Variants in TSPAN18 observed in about 807,000 individuals in gnomAD.
TSPAN18 encodes the protein tetraspanin 18, also known as tetraspanin-18.
A neutral mutation model predicts 27.3 loss-of-function variants in TSPAN18; 14 were observed. The ratio of observed to expected loss-of-function variants is 0.51; its 90% confidence interval spans 0.34 to 0.80. The LOEUF is 0.80. Ranked by LOEUF, TSPAN18 falls within the 30% of genes least tolerant of loss-of-function variation. The pLI is 0.01. For synonymous variants in TSPAN18, 143 were observed against 136.5 expected (o/e 1.05, Z -0.33); for missense variants, 268 against 323.9 (o/e 0.83, Z 1.32).
chr11:44,870,763 T>C (rs552077479), intron 3 of TSPAN18, among the ~76,000 whole-genome samples: 1 of 152,356 alleles, frequency 6.6e-6, no homozygotes, highest in East Asian at 1.9e-4. Context: ...GTCTTTTTTA[T>C]TTCAAACACA....
intron 5 of TSPAN18, 66 bp from the exon 6 acceptor site, chr11:44,917,906 T>C: frequency 6.8e-7 from 1 of 1,468,894 alleles, no homozygotes; most frequent in Non-Finnish European, 9.5e-7. Context: ...GACGGATGCA[T>C]TGGCCAGTGG....
intron 3 of TSPAN18, among the ~76,000 whole-genome samples, chr11:44,880,724 G>A (rs1454076447): frequency 2.0e-5 from 3 of 152,244 alleles, no homozygotes; most frequent in African/African-American, 7.2e-5. Context: ...GAAGTGGTTG[G>A]ACTCAAGGAC....
intron 9 of TSPAN18, among the ~76,000 whole-genome samples, chr11:44,927,238 T>A (rs1375697348): frequency 3.3e-5 from 5 of 152,168 alleles, no homozygotes; most frequent in African/African-American, 7.2e-5. Flanking sequence ...CCTTGAAAGG[T>A]AAGCTCCTGC....
intron 1 of TSPAN18, among the ~76,000 whole-genome samples, chr11:44,748,059 G>A (rs1855123361): frequency 6.6e-6 from 1 of 152,180 alleles, no homozygotes; most frequent in Non-Finnish European, 1.5e-5. Context: ...GCCTCTCTGG[G>A]CCCTGGTTTC....
Position 44,887,473 on chromosome 11 carries a change from G to T in TSPAN18, c.-10-18934G>T, listed in dbSNP as rs74776725. Among the ~76,000 whole-genome samples, 1,266 of 152,298 alleles carry T rather than the reference G, an allele frequency of 8.3e-3. 23 individuals are homozygous for T. Among genetic ancestry groups the T allele is most frequent in the African/African-American group, 0.029 (1,191 of 41,554 alleles). On this transcript the variant is annotated intron_variant, in intron 3 of 9. Coordinates refer to ENST00000520358, the MANE Select transcript of TSPAN18 (RefSeq NM_130783.5). ...ACCCCAGTGTTCTCAGCTGTCAACT[G>T]GGAATAATAATATGCCTGACTCATA... is the stretch of plus-strand genomic sequence containing the variant.
At chr11:44,873,768 T>C (rs1015156423) in intron 3 of TSPAN18, among the ~76,000 whole-genome samples, 3 of 152,208 alleles carry the variant, frequency 2.0e-5, no homozygotes, top group African/African-American at 7.2e-5. Context: ...AGGATGTGCC[T>C]GTTACCTGGA....
At chr11:44,778,937 C>G (rs1855874373) in intron 2 of TSPAN18, among the ~76,000 whole-genome samples, 1 of 152,230 alleles carries the variant, frequency 6.6e-6, no homozygotes, top group African/African-American at 2.4e-5. Context: ...TAGTCTTGGT[C>G]TCTGGGCCCA....
At chr11:44,774,947 A>G (rs1031011289) in intron 2 of TSPAN18, among the ~76,000 whole-genome samples, 1 of 152,198 alleles carries the variant, frequency 6.6e-6, no homozygotes, top group Non-Finnish European at 1.5e-5. Flanking sequence ...CATGTGTTCA[A>G]TAGTTGACAC....
chr11:44,757,631 C>T (rs1855362521), intron 1 of TSPAN18, among the ~76,000 whole-genome samples: 1 of 152,146 alleles, frequency 6.6e-6, no homozygotes, highest in Non-Finnish European at 1.5e-5. Flanking sequence ...GAGATCTGCC[C>T]ATCTCTTCCT....
In TSPAN18 at chr11:44,730,573, T is replaced by G. The variant is rs193217980; in HGVS notation, c.-240+3286T>G. Among the ~76,000 whole-genome samples the G allele has an allele frequency of 3.3e-5, 5 of 152,062 alleles. No homozygotes were observed. The East Asian group carries it at 9.7e-4, about 29-fold the overall frequency. On this transcript the variant is annotated intron_variant, in intron 1 of 9. Transcript: ENST00000520358. ...CCTCCTGCCACCCGGGCTGGCACCT[T>G]GGACCTGCATTAGTGCTCCATCTGA...
At position 44,930,730 on chromosome 11, in the gene TSPAN18, G is replaced by A; in HGVS notation, c.*1552G>A. ...CTGAGGTTTGGTCTGGGCTCAGTGGGAGACGGCAGTGCAATCCTGATGAGT... is the reference window on the plus strand; with the variant it reads ...CTGAGGTTTGGTCTGGGCTCAGTGGAAGACGGCAGTGCAATCCTGATGAGT... On this transcript the variant is annotated 3_prime_UTR_variant, in exon 10 of 10. Transcript: ENST00000520358. 2.4e-6 allele frequency: 1 copy of A among 411,072 alleles called. No individual in the cohort carries two copies. The highest frequency in any genetic ancestry group is 1.8e-5 in the South Asian group (1 of 55,646). 25.5% of individuals were successfully genotyped at this position (411,072 alleles called of 1,614,324 possible). A position where few individuals can be genotyped will look rare whatever the true frequency, so the allele number is the denominator to read the frequency against.
intron 1 of TSPAN18, among the ~76,000 whole-genome samples, chr11:44,746,928 C>T (rs534453713): frequency 6.6e-6 from 1 of 152,218 alleles, no homozygotes; most frequent in Non-Finnish European, 1.5e-5. Flanking sequence ...GAGTAGTCGC[C>T]TGGACCCAGC....
At chr11:44,847,790 A>G (rs1857514914) in intron 2 of TSPAN18, among the ~76,000 whole-genome samples, 1 of 151,982 alleles carries the variant, frequency 6.6e-6, no homozygotes, top group African/African-American at 2.4e-5. Flanking sequence ...GGGTTTGAAG[A>G]TTAAATGAAG....
chr11:44,909,614 C>T, intron 4 of TSPAN18, 91 bp from the exon 5 acceptor site: 1 of 1,402,526 alleles, frequency 7.1e-7, no homozygotes, highest in Non-Finnish European at 9.7e-7. Flanking sequence ...GCCTCTGACC[C>T]TGGGGCTGGC....
chr11:44,868,874 A>G (rs1013745970), intron 3 of TSPAN18, among the ~76,000 whole-genome samples: 2 of 152,194 alleles, frequency 1.3e-5, no homozygotes, highest in African/African-American at 4.8e-5. Context: ...CCTGCTTCCA[A>G]TGCATCCACT....
chr11:44,758,124 TCTTG>T (rs1429356934), intron 1 of TSPAN18, among the ~76,000 whole-genome samples: 1 of 152,216 alleles, frequency 6.6e-6, no homozygotes, highest in Admixed American at 6.5e-5. Flanking sequence ...CTTGTCTTGT[TCTTG>T]ATCTTAGAAG....
At chr11:44,833,368 G>A (rs995463674) in intron 2 of TSPAN18, among the ~76,000 whole-genome samples, 1 of 151,808 alleles carries the variant, frequency 6.6e-6, no homozygotes, top group Non-Finnish European at 1.5e-5. Flanking sequence ...AAATGGTGCA[G>A]CAAATGGTGA....
At chr11:44,901,524 C>G (rs1859262144) in intron 3 of TSPAN18, among the ~76,000 whole-genome samples, 1 of 152,352 alleles carries the variant, frequency 6.6e-6, no homozygotes, top group South Asian at 2.1e-4. Flanking sequence ...TGTGGCTGCT[C>G]TGCCTCCAAA....
intron 2 of TSPAN18, among the ~76,000 whole-genome samples, chr11:44,807,385 A>G (rs1390773706): frequency 1.5e-5 from 2 of 133,312 alleles, no homozygotes; most frequent in Non-Finnish European, 3.3e-5. Context: ...AAAATTAGCC[A>G]GGTGTGGTGG....
Sources: gnomAD v4.1 joint callset for allele counts (sites outside exome capture counted in the v4.1 genomes callset) on GRCh38, gnomAD v4.1.1 for gene constraint, MANE v1.5 for transcripts, NCBI Gene and HGNC (gene_info 2026-07-23, HGNC 2026-07-21) for gene names.